PCCA: variants seen among roughly 807,000 people sequenced by gnomAD.
PCCA encodes propionyl-CoA carboxylase alpha chain, mitochondrial.
PCCA carries 74 observed loss-of-function variants against 101.3 expected under a neutral mutation model. The ratio of observed to expected loss-of-function variants is 0.73; its 90% CI spans 0.61 to 0.89. The LOEUF (loss-of-function observed/expected upper bound fraction) is 0.89. PCCA is among the 40% of genes least tolerant of loss of function. The probability of loss-of-function intolerance (pLI) is 0.00; values close to 1 mark genes in which losing one functional copy is unlikely to be tolerated. For synonymous variants in PCCA, 294 were observed against 313.6 expected (o/e 0.94, Z 0.66); for missense variants, 891 against 907.0 (o/e 0.98, Z 0.23).
chr13:100,189,158 A>G (rs1284366678), intron 6 of PCCA, among the ~76,000 whole-genome samples: 3 of 151,840 alleles, frequency 2.0e-5, no homozygotes, highest in Non-Finnish European at 4.4e-5. Flanking sequence ...TGATCTTGTG[A>G]TAGTTTGCTG....
chr13:100,370,074 CT>C (rs386380451), intron 19 of PCCA, among the ~76,000 whole-genome samples: 38 of 74,658 alleles, frequency 5.1e-4, no homozygotes, highest in East Asian at 1.9e-3. Context: ...GCTGTTACTT[CT>C]TTTTTTTTTT....
At chr13:100,128,279 T>TC (rs2050157437) in intron 4 of PCCA, among the ~76,000 whole-genome samples, 1 of 152,004 alleles carries the variant, frequency 6.6e-6, no homozygotes. Context: ...TGAGGAAAAG[T>TC]CCCCTCCCAC....
chr13:100,431,642 G>A (rs996283509), intron 20 of PCCA, among the ~76,000 whole-genome samples: 2 of 152,208 alleles, frequency 1.3e-5, no homozygotes, highest in East Asian at 3.9e-4. Flanking sequence ...CGAGGTGGGT[G>A]GATCACGAGG....
intron 1 of PCCA, among the ~76,000 whole-genome samples, chr13:100,101,801 C>T (rs1300985125): frequency 6.6e-6 from 1 of 151,944 alleles, no homozygotes; most frequent in African/African-American, 2.4e-5. Flanking sequence ...CGGGATTTCG[C>T]CATTTTGGCC....
intron 18 of PCCA, among the ~76,000 whole-genome samples, chr13:100,345,882 G>A (rs1037304330): frequency 6.6e-6 from 1 of 151,828 alleles, no homozygotes; most frequent in Non-Finnish European, 1.5e-5. Context: ...TATTCTCCCT[G>A]TGCTCTAGAA....
At chr13:100,191,874 G>C (rs1234165176) in intron 6 of PCCA, among the ~76,000 whole-genome samples, 1 of 152,168 alleles carries the variant, frequency 6.6e-6, no homozygotes, top group Non-Finnish European at 1.5e-5. Flanking sequence ...TACAATGCCA[G>C]CTTTTTCCTT....
At chr13:100,091,953 G>C (rs921764823) in intron 1 of PCCA, among the ~76,000 whole-genome samples, 2 of 151,628 alleles carry the variant, frequency 1.3e-5, no homozygotes, top group African/African-American at 4.9e-5. Flanking sequence ...ATGGGGTCTC[G>C]CTCTGTTGCC....
chr13:100,315,725 C>G (rs2067287313), intron 16 of PCCA, among the ~76,000 whole-genome samples: 1 of 152,106 alleles, frequency 6.6e-6, no homozygotes, highest in Non-Finnish European at 1.5e-5. Context: ...TCCTAGGGGC[C>G]TCTTCTCTGT....
At position 100,152,800 on chromosome 13, in the gene PCCA, A is replaced by G. The variant is rs190732612; in HGVS notation, c.301-2179A>G. On this transcript the variant is annotated intron_variant, in intron 4 of 23. Coordinates refer to ENST00000376285, the MANE Select transcript of PCCA (RefSeq NM_000282.4). ...TGATAACATAGGAAAAATGTCTATTATGCTAGTTAAAAAACAAAAGGGTGA... is the reference window on the plus strand; with the variant it reads ...TGATAACATAGGAAAAATGTCTATTGTGCTAGTTAAAAAACAAAAGGGTGA... Among the ~76,000 whole-genome samples, 22 of 152,330 alleles carry G rather than the reference A, an allele frequency of 1.4e-4. No homozygotes were observed. The East Asian group carries it at 3.7e-3, about 25-fold the overall frequency.
At chr13:100,447,808 G>A (rs2080948390) in intron 20 of PCCA, among the ~76,000 whole-genome samples, 1 of 152,158 alleles carries the variant, frequency 6.6e-6, no homozygotes, top group East Asian at 1.9e-4. Flanking sequence ...TTTGCAGGTA[G>A]GGGAAAACAT....
In PCCA at chr13:100,449,292, T is replaced by G. The variant is rs1400179119; in HGVS notation, c.1886T>G (p.Phe629Cys). Residue 629 changes from phenylalanine to cysteine, a missense_variant, in exon 21 of 24, where the codon TTT becomes TGT. Transcript: ENST00000376285. ...GCAGGTGGAAACATGAGCATTCAGT[T>G]TCTTGGTACAGTGGTAAGTATGAAA... Reference protein sequence around the residue: ...REAGGNMSIQFLGTVYKVNIL... With the variant: ...REAGGNMSIQCLGTVYKVNIL... The G allele has an allele frequency of 2.6e-6, 4 of 1,533,514 alleles. No individual in the cohort carries two copies. Among genetic ancestry groups the G allele is most frequent in the Non-Finnish European group, 3.5e-6 (4 of 1,130,870 alleles). 95.0% of individuals were successfully genotyped at this position (1,533,514 alleles called of 1,614,324 possible).
intron 6 of PCCA, among the ~76,000 whole-genome samples, chr13:100,186,860 A>T (rs2057323836): frequency 6.6e-6 from 1 of 152,176 alleles, no homozygotes; most frequent in Non-Finnish European, 1.5e-5. Flanking sequence ...CTAGATTTAT[A>T]TTCTCTTAAG....
chr13:100,515,834 T>G (rs2086797601), intron 22 of PCCA, among the ~76,000 whole-genome samples: 1 of 152,242 alleles, frequency 6.6e-6, no homozygotes. Flanking sequence ...GCAAATGCAG[T>G]GTTTTGGGAA....
chr13:100,122,532 G>A (rs910808871), intron 4 of PCCA, among the ~76,000 whole-genome samples: 2 of 152,014 alleles, frequency 1.3e-5, no homozygotes, highest in Non-Finnish European at 2.9e-5. Context: ...CAGATATTCT[G>A]TTTCTTTAAT....
chr13:100,187,124 G>T (rs1050417166), intron 6 of PCCA, among the ~76,000 whole-genome samples: 1 of 152,282 alleles, frequency 6.6e-6, no homozygotes, highest in Admixed American at 6.5e-5. Context: ...ACTGATACAG[G>T]ATTTGGCAGC....
chr13:100,242,959 T>A (rs1182680140), intron 8 of PCCA, among the ~76,000 whole-genome samples: 1 of 152,200 alleles, frequency 6.6e-6, no homozygotes, highest in African/African-American at 2.4e-5. Flanking sequence ...GGCAGTGGTG[T>A]GATCTCAGCT....
chr13:100,351,288 G>T (rs1287064458), intron 18 of PCCA, among the ~76,000 whole-genome samples: 1 of 152,092 alleles, frequency 6.6e-6, no homozygotes, highest in African/African-American at 2.4e-5. Flanking sequence ...TTATATTTGT[G>T]TTCAGCCTTG....
intron 19 of PCCA, among the ~76,000 whole-genome samples, chr13:100,396,334 T>G (rs1282128264): frequency 1.3e-5 from 2 of 152,196 alleles, no homozygotes; most frequent in East Asian, 3.8e-4. Flanking sequence ...AGAATAGGGA[T>G]AGTATTCTCC....
rs550599682 is a variant in PCCA at position 100,187,853 on chromosome 13, C to G, written c.469-21479C>G. Among the ~76,000 whole-genome samples, 13 of 152,202 alleles carry G rather than the reference C, an allele frequency of 8.5e-5. No homozygotes were observed. In the East Asian group the frequency reaches 2.5e-3, roughly 29 times the overall value. Reference sequence around the variant, plus strand: ...CTGAGATTTTGGTGCACCAGCCACCCAAGCAGTGTACACTGTACCCAAGGT... The same window carrying G: ...CTGAGATTTTGGTGCACCAGCCACCGAAGCAGTGTACACTGTACCCAAGGT... On this transcript the variant is annotated intron_variant, in intron 6 of 23. Coordinates refer to ENST00000376285, the MANE Select transcript of PCCA (RefSeq NM_000282.4).
Sources: gnomAD v4.1 joint callset for allele counts (sites outside exome capture counted in the v4.1 genomes callset) on GRCh38, gnomAD v4.1.1 for gene constraint, MANE v1.5 for transcripts, NCBI Gene and HGNC (gene_info 2026-07-23, HGNC 2026-07-21) for gene names.